The following ZEB1 variants were observed in gnomAD, a reference collection of about 807,000 sequenced individuals.
ZEB1 encodes the protein zinc finger E-box-binding homeobox 1.
ZEB1 carries 21 observed loss-of-function variants against 84.9 expected under a neutral mutation model. That is an observed-to-expected ratio of 0.25 (90% confidence interval 0.18 to 0.36). The LOEUF (loss-of-function observed/expected upper bound fraction) is 0.36, where lower values mean the gene tolerates loss of function less well. ZEB1 is among the 10% of genes least tolerant of loss of function. The probability of loss-of-function intolerance (pLI) is 1.00; values close to 1 mark genes in which losing one functional copy is unlikely to be tolerated. For synonymous variants in ZEB1, 420 were observed against 471.1 expected, an observed-to-expected ratio of 0.89 and a Z score of 1.41; for missense variants, 1,104 against 1,330.2, an observed-to-expected ratio of 0.83 and a Z score of 2.65.
intron 1 of ZEB1, among the ~76,000 whole-genome samples, chr10:31,407,415 G>A (rs1474033861): frequency 6.6e-6 from 1 of 151,944 alleles, no homozygotes. Context: ...TCCCTACAAA[G>A]GACATGACCT....
intron 2 of ZEB1, among the ~76,000 whole-genome samples, chr10:31,469,877 G>T (rs1387366310): frequency 1.3e-5 from 2 of 152,232 alleles, no homozygotes; most frequent in Admixed American, 1.3e-4. Flanking sequence ...AGAACGGGTA[G>T]ACTGCCTCCT....
chr10:31,466,759 TA>T (rs2062478896), intron 2 of ZEB1, among the ~76,000 whole-genome samples: 1 of 151,914 alleles, frequency 6.6e-6, no homozygotes, highest in African/African-American at 2.4e-5. Context: ...TAATAAAGAT[TA>T]GAGCACAAAT....
intron 2 of ZEB1, among the ~76,000 whole-genome samples, chr10:31,480,122 A>G (rs1415361338): frequency 6.6e-6 from 1 of 151,988 alleles, no homozygotes; most frequent in Admixed American, 6.6e-5. Context: ...GCTATTTCTT[A>G]ATGTTTTGCA....
chr10:31,348,969 AG>A (rs2040821335), intron 1 of ZEB1, among the ~76,000 whole-genome samples: 1 of 152,198 alleles, frequency 6.6e-6, no homozygotes, highest in Admixed American at 6.5e-5. Context: ...CACAATTTTC[AG>A]GTGTACAGTA....
intron 2 of ZEB1, among the ~76,000 whole-genome samples, chr10:31,494,501 TG>T (rs2066961470): frequency 6.6e-6 from 1 of 151,998 alleles, no homozygotes; most frequent in South Asian, 2.1e-4. Context: ...CATGCTATAA[TG>T]GGATGCAAAG....
chr10:31,339,566 G>A (rs536064054), intron 1 of ZEB1, among the ~76,000 whole-genome samples: 9 of 152,126 alleles, frequency 5.9e-5, no homozygotes, highest in East Asian at 1.9e-4. Flanking sequence ...TCAGGAGTTC[G>A]AGACCAGCCT....
intron 1 of ZEB1, among the ~76,000 whole-genome samples, chr10:31,356,395 C>T (rs1313169248): frequency 2.6e-5 from 4 of 151,866 alleles, no homozygotes; most frequent in African/African-American, 7.3e-5. Context: ...GTTTACACCA[C>T]TTATTAATGA....
intron 1 of ZEB1, among the ~76,000 whole-genome samples, chr10:31,447,693 T>C (rs2059964915): frequency 6.6e-6 from 1 of 151,256 alleles, no homozygotes; most frequent in South Asian, 2.1e-4. Flanking sequence ...TGGCTGGATA[T>C]GAAATTCTGG....
Position 31,521,892 on chromosome 10 carries a change from G to A in ZEB1, c.2560G>A (p.Val854Ile). ...YTYSTTVSPA[V>I]QEPPLKVIQP... ...CTACTCAACTACGGTCAGCCCTGCAGTCCAAGAACCACCCTTGAAAGTGAT... is the reference window on the plus strand; with the variant it reads ...CTACTCAACTACGGTCAGCCCTGCAATCCAAGAACCACCCTTGAAAGTGAT... Residue 854 changes from valine to isoleucine, a missense_variant, in exon 7 of 9, where the codon GTC becomes ATC. Physicochemically the swap from Val to Ile is conservative, Grantham distance 29. Around this residue, in one of 7 missense-constraint regions of ZEB1, gnomAD observed 531 missense variants for 575.2 expected, o/e 0.92. Transcript: ENST00000424869. 1.2e-6 allele frequency: 2 copies of A among 1,614,038 alleles called. No homozygotes were observed. The highest frequency in any genetic ancestry group is 1.7e-6 in the Non-Finnish European group (2 of 1,179,984).
intron 1 of ZEB1, among the ~76,000 whole-genome samples, chr10:31,423,803 T>A (rs1263658259): frequency 6.6e-6 from 1 of 152,094 alleles, no homozygotes; most frequent in Non-Finnish European, 1.5e-5. Flanking sequence ...TTGTAGCTAC[T>A]TGTTATCAGT....
intron 2 of ZEB1, among the ~76,000 whole-genome samples, chr10:31,488,431 A>G (rs2066030331): frequency 6.6e-6 from 1 of 150,460 alleles, no homozygotes; most frequent in South Asian, 2.1e-4. Context: ...GATAGTAGCA[A>G]TTTGTGGCTT....
intron 1 of ZEB1, among the ~76,000 whole-genome samples, chr10:31,356,039 G>A (rs746858478): frequency 7.2e-5 from 11 of 152,054 alleles, no homozygotes; most frequent in Non-Finnish European, 1.5e-4. Flanking sequence ...TGTGAACAAA[G>A]CCTTGTATTT....
At chr10:31,509,984 A>G (rs1268262725) in intron 4 of ZEB1, among the ~76,000 whole-genome samples, 1 of 152,150 alleles carries the variant, frequency 6.6e-6, no homozygotes, top group Non-Finnish European at 1.5e-5. Flanking sequence ...TATATAGCAG[A>G]TTTGCCAGTG....
intron 1 of ZEB1, among the ~76,000 whole-genome samples, chr10:31,407,414 A>C (rs2053320545): frequency 6.6e-6 from 1 of 152,030 alleles, no homozygotes; most frequent in Non-Finnish European, 1.5e-5. Flanking sequence ...GTCCCTACAA[A>C]GGACATGACC....
chr10:31,503,043 T>G (rs1170068843), intron 4 of ZEB1, among the ~76,000 whole-genome samples: 5 of 152,266 alleles, frequency 3.3e-5, no homozygotes, highest in Non-Finnish European at 7.4e-5. Flanking sequence ...GACTATGTTA[T>G]TGTTTCACCA....
intron 1 of ZEB1, among the ~76,000 whole-genome samples, chr10:31,434,127 C>T (rs894156285): frequency 1.3e-5 from 2 of 152,110 alleles, no homozygotes; most frequent in Non-Finnish European, 2.9e-5. Flanking sequence ...TTCTTTGATT[C>T]AGCAATTATT....
At chr10:31,326,143 C>G (rs1309140443) in intron 1 of ZEB1, among the ~76,000 whole-genome samples, 1 of 151,940 alleles carries the variant, frequency 6.6e-6, no homozygotes, top group Non-Finnish European at 1.5e-5. Context: ...AGTAGAAACT[C>G]TAGAAGAGAC....
At chr10:31,455,974 A>T (rs1487773372) in intron 1 of ZEB1, among the ~76,000 whole-genome samples, 1 of 152,236 alleles carries the variant, frequency 6.6e-6, no homozygotes, top group East Asian at 1.9e-4. Context: ...TTATTGCAGC[A>T]CTATTTACAA....
chr10:31,495,694 G>A, intron 2 of ZEB1, 82 bp from the exon 3 acceptor site: 3 of 1,426,042 alleles, frequency 2.1e-6, no homozygotes, highest in Non-Finnish European at 2.0e-6. Context: ...AGAGTAATTG[G>A]GATATCCAAA....
Sources: gnomAD v4.1 joint callset for allele counts (sites outside exome capture counted in the v4.1 genomes callset) on GRCh38, gnomAD v4.1.1 for gene constraint, gnomAD v4.1.1 regional missense constraint, MANE v1.5 for transcripts, NCBI Gene and HGNC (gene_info 2026-07-23, HGNC 2026-07-21) for gene names.